RAB36: variants seen among roughly 807,000 people sequenced by gnomAD.
RAB36 encodes the protein RAB36, member RAS oncogene family, also known as ras-related protein Rab-36.
A neutral mutation model predicts 39.3 loss-of-function variants in RAB36; 33 were observed. The observed-to-expected ratio is 0.84, with a 90% CI of 0.64 to 1.12. The LOEUF is 1.12. Among genes scored for constraint, RAB36 ranks in the 50% most tolerant of loss-of-function variants. RAB36 has a pLI of 0.00. For synonymous variants in RAB36, 133 were observed against 140.2 expected (o/e 0.95, Z 0.36); for missense variants, 308 against 355.3 (o/e 0.87, Z 1.07).
At chr22:23,154,278 G>A (rs113470595) in intron 5 of RAB36, among the ~76,000 whole-genome samples, 1 of 152,170 alleles carries the variant, frequency 6.6e-6, no homozygotes, top group African/African-American at 2.4e-5. Context: ...CATTCACCAA[G>A]CTCCTTCCTG....
intron 6 of RAB36, among the ~76,000 whole-genome samples, chr22:23,157,596 C>T (rs983139729): frequency 6.6e-6 from 1 of 152,210 alleles, no homozygotes; most frequent in African/African-American, 2.4e-5. Context: ...TTGTTTAATC[C>T]TCACAGCAAC....
At chr22:23,157,871 T>C in intron 6 of RAB36, 121 bp from the exon 7 acceptor site, 3 of 1,565,838 alleles carry the variant, frequency 1.9e-6, no homozygotes, top group Non-Finnish European at 2.6e-6. Flanking sequence ...GAGGTTCCGG[T>C]GCTGAGTGCC....
In RAB36 at chr22:23,162,693, C is replaced by G. The variant is rs1469654934; in HGVS notation, c.*1129C>G. 8.8e-6 allele frequency: 4 copies of G among 456,296 alleles called. 1 individual carries two copies. Among genetic ancestry groups the G allele is most frequent in the South Asian group, 6.2e-5 (4 of 64,574 alleles). 28.3% of individuals were successfully genotyped at this position (456,296 alleles called of 1,614,324 possible). A position where few individuals can be genotyped will look rare whatever the true frequency, so the allele number is the denominator to read the frequency against. On this transcript the variant is annotated 3_prime_UTR_variant, in exon 11 of 11. Coordinates refer to ENST00000263116, the MANE Select transcript of RAB36 (RefSeq NM_004914.5). Reference sequence around the variant, plus strand: ...CCCAGGCCCCTGTCACCTGGCTATGCCCACTCATCCCACCCGTCTCGTGCT... The same window carrying G: ...CCCAGGCCCCTGTCACCTGGCTATGGCCACTCATCCCACCCGTCTCGTGCT...
Position 23,162,982 on chromosome 22 carries a change from G to T in RAB36, c.*1418G>T. The T allele has an allele frequency of 3.1e-6, 1 of 327,034 alleles. No homozygotes were observed. The highest frequency in any genetic ancestry group is 2.5e-5 in the South Asian group (1 of 39,882). 20.3% of individuals were successfully genotyped at this position (327,034 alleles called of 1,614,324 possible). Reference sequence around the variant, plus strand: ...GCTGGAGTGCAATGGCGTAATCTCGGCTCAGTGCAACCTCTGCCTCCCAGG... The same window carrying T: ...GCTGGAGTGCAATGGCGTAATCTCGTCTCAGTGCAACCTCTGCCTCCCAGG... On this transcript the variant is annotated 3_prime_UTR_variant, in exon 11 of 11. Transcript: ENST00000263116.
intron 2 of RAB36, among the ~76,000 whole-genome samples, chr22:23,149,100 G>A (rs1478096089): frequency 1.3e-5 from 2 of 151,836 alleles, no homozygotes; most frequent in African/African-American, 4.8e-5. Flanking sequence ...GCCAGGCAGA[G>A]CCCGAATCCA....
chr22:23,150,012 C>T (rs1291128635), intron 2 of RAB36, 51 bp from the exon 3 acceptor site: 13 of 1,438,484 alleles, frequency 9.0e-6, no homozygotes, highest in Middle Eastern at 1.7e-4. Context: ...GCTACGAGGG[C>T]GGAGCCACAG....
At chr22:23,152,969 A>C in intron 4 of RAB36, 64 bp from the exon 5 acceptor site, 2 of 1,176,120 alleles carry the variant, frequency 1.7e-6, no homozygotes, top group South Asian at 1.2e-5. Context: ...GCAGTGTTAC[A>C]AGTGAAGCTT....
At chr22:23,149,207 G>A (rs1019641788) in intron 2 of RAB36, among the ~76,000 whole-genome samples, 1 of 47,592 alleles carries the variant, frequency 2.1e-5, no homozygotes, top group African/African-American at 1.1e-4. Context: ...GGTGGGGGGC[G>A]GGGGGCGGGA....
intron 2 of RAB36, among the ~76,000 whole-genome samples, chr22:23,147,502 T>A (rs1240965796): frequency 6.6e-6 from 1 of 152,168 alleles, no homozygotes; most frequent in East Asian, 1.9e-4. Context: ...GGCTAATTTT[T>A]AATTTTTTTT....
At chr22:23,158,623 C>T (rs769406969) in intron 7 of RAB36, among the ~76,000 whole-genome samples, 23 of 152,224 alleles carry the variant, frequency 1.5e-4, no homozygotes, top group Non-Finnish European at 2.6e-4. Context: ...ACATGCAGGG[C>T]TCATGCAAGG....
At chr22:23,150,007 G>T in intron 2 of RAB36, 56 bp from the exon 3 acceptor site, 1 of 1,399,970 alleles carries the variant, frequency 7.1e-7, no homozygotes, top group South Asian at 1.2e-5. Flanking sequence ...GCTTGGCTAC[G>T]AGGGCGGAGC....
chr22:23,165,911 C>T (rs964806175), downstream of RAB36, among the ~76,000 whole-genome samples: 1 of 152,126 alleles, frequency 6.6e-6, no homozygotes, highest in Non-Finnish European at 1.5e-5. Context: ...CTTTGGGAGG[C>T]CAAGGCGGGC....
chr22:23,157,282 G>A (rs956418735), intron 6 of RAB36, among the ~76,000 whole-genome samples: 6 of 150,178 alleles, frequency 4.0e-5, no homozygotes, highest in African/African-American at 7.4e-5. Flanking sequence ...CCTGAGTCTC[G>A]CTTTGTAGCC....
intron 9 of RAB36, among the ~76,000 whole-genome samples, chr22:23,160,324 TGC>T (rs1349385045): frequency 0.015 from 2,350 of 152,274 alleles, 62 homozygotes; most frequent in African/African-American, 0.053. Flanking sequence ...CAAGCAGGAC[TGC>T]CCTATGCGGT....
At position 23,150,084 on chromosome 22, in the gene RAB36, T is replaced by C; in HGVS notation, c.91T>C (p.Leu31=). Residue 31 remains leucine (L), a synonymous_variant, in exon 3 of 11, where the codon TTG becomes CTG. Coordinates refer to ENST00000263116, the MANE Select transcript of RAB36 (RefSeq NM_004914.5). ...GCAGTGGTACACGCCGGAAGCCTGT[T>C]TGCAGCTCAGGGAGCACTTCCACGG... The part of the protein sequence containing the change: ...FPKWYTPEAC[L]QLREHFHGQV... 1 of 1,611,778 alleles carries C rather than the reference T, an allele frequency of 6.2e-7. No individual in the cohort carries two copies. The highest frequency in any genetic ancestry group is 8.5e-7 in the Non-Finnish European group (1 of 1,179,048).
rs1305770549 is a variant in RAB36, at chr22:23,165,567, C to A, written c.*4003C>A. 6.6e-6 allele frequency among the ~76,000 whole-genome samples: 1 copy of A among 152,238 alleles called. No homozygotes were observed. Among genetic ancestry groups the A allele is most frequent in the Non-Finnish European group, 1.5e-5 (1 of 68,048 alleles). On this transcript the variant is annotated 3_prime_UTR_variant, in exon 11 of 11. Coordinates refer to ENST00000263116, the MANE Select transcript of RAB36 (RefSeq NM_004914.5). ...GCTCTGGGCACAGGAAAGAATTGGA[C>A]TTCGGGCAGAAAAATGTTTGTGCTA...
At chr22:23,145,642 CCG>C in intron 1 of RAB36, 91 bp downstream of exon 1, 1 of 1,371,484 alleles carries the variant, frequency 7.3e-7, no homozygotes, top group Non-Finnish European at 9.8e-7. Flanking sequence ...GGCACAGCGT[CCG>C]CGCCCACTTC....
Position 23,162,897 on chromosome 22 carries a change from G to C in RAB36, c.*1333G>C, listed in dbSNP as rs5751594. 0.5 allele frequency: 173,728 copies of C among 344,214 alleles called. 44,382 individuals carry two copies. Among genetic ancestry groups the C allele is most frequent in the East Asian group, 0.64 (7,694 of 12,072 alleles). 21.3% of individuals were successfully genotyped at this position (344,214 alleles called of 1,614,324 possible). ...TTCCCCCTTCAACATATTTTTTGTA[G>C]TTTTTTATATAAATGACTTTTTTTT... On this transcript the variant is annotated 3_prime_UTR_variant, in exon 11 of 11. Coordinates refer to ENST00000263116, the MANE Select transcript of RAB36 (RefSeq NM_004914.5).
At position 23,163,754 on chromosome 22, in the gene RAB36, G is replaced by C. The variant is rs1403323035; in HGVS notation, c.*2190G>C. ...TATTCCTTCTGGACTCTGTGCCTTTGCCTGCACAGCTAGTGTTGATGGCTT... is the reference window on the plus strand; with the variant it reads ...TATTCCTTCTGGACTCTGTGCCTTTCCCTGCACAGCTAGTGTTGATGGCTT... On this transcript the variant is annotated 3_prime_UTR_variant, in exon 11 of 11. Coordinates refer to ENST00000263116, the MANE Select transcript of RAB36 (RefSeq NM_004914.5). 1 of 152,164 alleles carries C rather than the reference G, an allele frequency of 6.6e-6. No individual in the cohort carries two copies. The highest frequency in any genetic ancestry group is 1.5e-5 in the Non-Finnish European group (1 of 68,060). The allele number at this position is 152,164 out of a possible 1,614,324, so 9.4% of individuals were successfully genotyped here.
Sources: gnomAD v4.1 joint callset for allele counts (sites outside exome capture counted in the v4.1 genomes callset) on GRCh38, gnomAD v4.1.1 for gene constraint, MANE v1.5 for transcripts, NCBI Gene and HGNC (gene_info 2026-07-23, HGNC 2026-07-21) for gene names.